The following GRM3 variants were observed in gnomAD, a reference collection of about 807,000 sequenced individuals.
GRM3 encodes metabotropic glutamate receptor 3.
A neutral mutation model predicts 70.5 loss-of-function variants in GRM3; 26 were observed. The ratio of observed to expected loss-of-function variants is 0.37; its 90% CI spans 0.27 to 0.51. The LOEUF is 0.51. Among genes scored for constraint, GRM3 ranks in the 20% least tolerant of loss-of-function variants. GRM3 has a pLI of 0.93. For synonymous variants in GRM3, 443 were observed against 434.9 expected (o/e 1.02, Z -0.23); for missense variants, 859 against 1,123.8 (o/e 0.76, Z 3.37).
At chr7:86,821,203 G>T (rs1798113275) in intron 3 of GRM3, among the ~76,000 whole-genome samples, 1 of 151,952 alleles carries the variant, frequency 6.6e-6, no homozygotes, top group South Asian at 2.1e-4. Flanking sequence ...GAAAGATTAT[G>T]TCATAAACAT....
chr7:86,720,579 G>A (rs947539545), intron 1 of GRM3, among the ~76,000 whole-genome samples: 2 of 152,070 alleles, frequency 1.3e-5, no homozygotes, highest in African/African-American at 4.8e-5. Flanking sequence ...GCCGTGCCAT[G>A]AGATATGACA....
chr7:86,718,811 T>TG (rs1303198483), intron 1 of GRM3, among the ~76,000 whole-genome samples: 7 of 151,952 alleles, frequency 4.6e-5, no homozygotes, highest in Admixed American at 2.0e-4. Context: ...TAAACATTAC[T>TG]GAAAAAAACT....
chr7:86,809,839 C>T (rs1378733009), intron 3 of GRM3, among the ~76,000 whole-genome samples: 1 of 151,890 alleles, frequency 6.6e-6, no homozygotes, highest in Non-Finnish European at 1.5e-5. Flanking sequence ...CTGTTTGGTA[C>T]TTTAGATTTA....
chr7:86,648,244 T>C (rs185525508), intron 1 of GRM3, among the ~76,000 whole-genome samples: 11 of 152,332 alleles, frequency 7.2e-5, no homozygotes, highest in Admixed American at 5.2e-4. Flanking sequence ...AGAAATTACC[T>C]TTTCTGATGT....
At chr7:86,740,524 G>A (rs751288076) in intron 1 of GRM3, among the ~76,000 whole-genome samples, 8 of 152,068 alleles carry the variant, frequency 5.3e-5, no homozygotes, top group Non-Finnish European at 8.8e-5. Flanking sequence ...AGCCTAACCA[G>A]AATAAAAAGA....
intron 3 of GRM3, among the ~76,000 whole-genome samples, chr7:86,811,384 C>T (rs1387606181): frequency 6.6e-6 from 1 of 151,792 alleles, no homozygotes; most frequent in Non-Finnish European, 1.5e-5. Flanking sequence ...AACTAAATCA[C>T]TTCATGGACC....
intron 3 of GRM3, among the ~76,000 whole-genome samples, chr7:86,796,697 G>A (rs2116602209): frequency 6.6e-6 from 1 of 152,244 alleles, no homozygotes; most frequent in Non-Finnish European, 1.5e-5. Flanking sequence ...CATGAGCATG[G>A]AATGTTTTTT....
chr7:86,854,020 G>C (rs1798802101), intron 5 of GRM3, among the ~76,000 whole-genome samples: 1 of 152,172 alleles, frequency 6.6e-6, no homozygotes, highest in South Asian at 2.1e-4. Context: ...AACTGGTATA[G>C]CATAATTGGT....
intron 1 of GRM3, among the ~76,000 whole-genome samples, chr7:86,722,469 G>C (rs1399954123): frequency 6.6e-6 from 1 of 151,992 alleles, no homozygotes; most frequent in East Asian, 1.9e-4. Context: ...GGATGAAGCT[G>C]GAAACCATCA....
chr7:86,863,153 G>A (rs1339040181), intron 5 of GRM3, among the ~76,000 whole-genome samples: 1 of 152,058 alleles, frequency 6.6e-6, no homozygotes, highest in Non-Finnish European at 1.5e-5. Flanking sequence ...ATAGAGAATG[G>A]GGCTCCTTGC....
At chr7:86,701,438 G>A (rs1794944683) in intron 1 of GRM3, among the ~76,000 whole-genome samples, 1 of 151,766 alleles carries the variant, frequency 6.6e-6, no homozygotes, top group Admixed American at 6.6e-5. Context: ...AAAAAGTTGA[G>A]AAATCTCTTC....
intron 1 of GRM3, among the ~76,000 whole-genome samples, chr7:86,740,815 G>C (rs924289314): frequency 6.6e-6 from 1 of 152,064 alleles, no homozygotes; most frequent in Non-Finnish European, 1.5e-5. Flanking sequence ...TGCGTTGGTT[G>C]GTCTGTCATC....
intron 1 of GRM3, among the ~76,000 whole-genome samples, chr7:86,645,328 C>A (rs774196635): frequency 6.6e-6 from 1 of 152,164 alleles, no homozygotes; most frequent in Non-Finnish European, 1.5e-5. Flanking sequence ...GTCAGCGAGA[C>A]CTGGTCCATG....
chr7:86,663,915 A>G (rs1443863655), intron 1 of GRM3, among the ~76,000 whole-genome samples: 1 of 152,024 alleles, frequency 6.6e-6, no homozygotes, highest in Non-Finnish European at 1.5e-5. Flanking sequence ...CAACTAAAGG[A>G]TGAGTAGAGT....
At position 86,744,914 on chromosome 7, in the gene GRM3, C is replaced by G. The variant is rs118150475; in HGVS notation, c.-140-20092C>G. Among the ~76,000 whole-genome samples, 12 of 152,076 alleles carry G rather than the reference C, an allele frequency of 7.9e-5. No individual in the cohort carries two copies. In the East Asian group the frequency reaches 2.3e-3, roughly 29 times the overall value. On this transcript the variant is annotated intron_variant, in intron 1 of 5. Coordinates refer to ENST00000361669, the MANE Select transcript of GRM3 (RefSeq NM_000840.3). ...TGGGCTTTCCTTTGTTCCTCACACC[C>G]AGGCTCTTCGACTCCTAGCCAACAA... is the stretch of plus-strand genomic sequence containing the variant.
At chr7:86,785,718 T>TG (rs1562862967) in intron 2 of GRM3, among the ~76,000 whole-genome samples, 5 of 122,640 alleles carry the variant, frequency 4.1e-5, no homozygotes, top group South Asian at 2.6e-4. Context: ...TTTTTTTTTT[T>TG]GCTTAACCTA....
At chr7:86,695,196 T>C (rs1584171764) in intron 1 of GRM3, among the ~76,000 whole-genome samples, 2 of 152,282 alleles carry the variant, frequency 1.3e-5, no homozygotes, top group Admixed American at 1.3e-4. Context: ...CTGTGGTAGA[T>C]TAAAAATAGA....
intron 1 of GRM3, among the ~76,000 whole-genome samples, chr7:86,701,653 C>T (rs1794948687): frequency 1.3e-5 from 2 of 151,884 alleles, no homozygotes; most frequent in Non-Finnish European, 1.5e-5. Flanking sequence ...GGTGTAACTA[C>T]TCAAACTTAT....
intron 1 of GRM3, among the ~76,000 whole-genome samples, chr7:86,684,311 A>T (rs1409118397): frequency 6.6e-6 from 1 of 152,234 alleles, no homozygotes; most frequent in African/African-American, 2.4e-5. Flanking sequence ...GTAATAATAC[A>T]TTCCACAGAG....
Sources: gnomAD v4.1 joint callset for allele counts (sites outside exome capture counted in the v4.1 genomes callset) on GRCh38, gnomAD v4.1.1 for gene constraint, MANE v1.5 for transcripts, NCBI Gene and HGNC (gene_info 2026-07-23, HGNC 2026-07-21) for gene names.